ATG10: variants seen among roughly 807,000 people sequenced by gnomAD.
ATG10 encodes autophagy related 10, also known as ubiquitin-like-conjugating enzyme ATG10.
ATG10 carries 30 observed loss-of-function variants against 32.1 expected under a neutral mutation model. The observed-to-expected ratio is 0.94, with a 90% CI of 0.70 to 1.27. The LOEUF is 1.27. ATG10 is among the 50% of genes most tolerant of loss of function. ATG10 has a pLI of 0.00. For missense variants in ATG10, 233 were observed against 262.3 expected, an observed-to-expected ratio of 0.89 and a Z score of 0.77; for synonymous variants, 87 against 91.5, an observed-to-expected ratio of 0.95 and a Z score of 0.28.
chr5:82,235,860 A>C lies in ATG10; in HGVS notation c.454-16702A>C, dbSNP rs6877467. On this transcript the variant is annotated intron_variant, in intron 5 of 7. Coordinates refer to ENST00000282185, the MANE Select transcript of ATG10 (RefSeq NM_031482.5). ...TCTCTATGACGCTATATAAAATCTC[A>C]TCAATATACAAAATCATTCTGAGCC... Among the ~76,000 whole-genome samples the C allele has an allele frequency of 1.7e-3, 265 of 152,378 alleles. 3 individuals are homozygous for C. The highest frequency in any genetic ancestry group is 6.1e-3 in the African/African-American group (255 of 41,596).
intron 1 of ATG10, among the ~76,000 whole-genome samples, chr5:81,979,459 C>T (rs1175702918): frequency 1.3e-5 from 2 of 151,972 alleles, no homozygotes; most frequent in Non-Finnish European, 2.9e-5. Flanking sequence ...ACTCGGGAGG[C>T]GGAGCTTGCA....
At chr5:82,036,349 T>G (rs1480611131) in intron 2 of ATG10, among the ~76,000 whole-genome samples, 2 of 152,208 alleles carry the variant, frequency 1.3e-5, no homozygotes, top group East Asian at 3.8e-4. Context: ...ATCCTAGAAC[T>G]TTGGGAGGCT....
intron 3 of ATG10, among the ~76,000 whole-genome samples, chr5:82,107,847 A>T (rs1765489299): frequency 6.6e-6 from 1 of 152,102 alleles, no homozygotes; most frequent in African/African-American, 2.4e-5. Flanking sequence ...AATTCTTAAT[A>T]AAAAACAAAT....
intron 3 of ATG10, among the ~76,000 whole-genome samples, chr5:82,069,724 G>A (rs1764060899): frequency 6.6e-6 from 1 of 152,032 alleles, no homozygotes; most frequent in Non-Finnish European, 1.5e-5. Context: ...TAAATATTTT[G>A]TCATTATCAG....
At chr5:82,162,933 G>A (rs1379416557) in intron 3 of ATG10, among the ~76,000 whole-genome samples, 8 of 151,970 alleles carry the variant, frequency 5.3e-5, no homozygotes, top group Non-Finnish European at 5.9e-5. Flanking sequence ...GCCTGTTAAC[G>A]ATGGTTACAA....
chr5:82,024,618 A>T (rs1205938878), intron 2 of ATG10, among the ~76,000 whole-genome samples: 2 of 152,216 alleles, frequency 1.3e-5, no homozygotes, highest in Admixed American at 6.5e-5. Flanking sequence ...GGTCTAGGAT[A>T]AGATTTTCAA....
At chr5:82,182,926 T>C (rs1036909376) in intron 5 of ATG10, among the ~76,000 whole-genome samples, 9 of 151,996 alleles carry the variant, frequency 5.9e-5, no homozygotes, top group Non-Finnish European at 1.2e-4. Context: ...ATGTTTAAAG[T>C]AGAGATGGGG....
chr5:82,191,908 C>T (rs1383956047), intron 5 of ATG10, among the ~76,000 whole-genome samples: 1 of 152,158 alleles, frequency 6.6e-6, no homozygotes, highest in Admixed American at 6.5e-5. Context: ...CCAATCTGCC[C>T]TTCTTCTCTC....
chr5:82,092,088 C>T (rs193256872), intron 3 of ATG10, among the ~76,000 whole-genome samples: 2 of 152,018 alleles, frequency 1.3e-5, no homozygotes, highest in African/African-American at 4.8e-5. Context: ...AGTTTAATAG[C>T]TTTTGTATTT....
At chr5:82,189,049 A>C (rs996488936) in intron 5 of ATG10, among the ~76,000 whole-genome samples, 2 of 152,120 alleles carry the variant, frequency 1.3e-5, no homozygotes, top group African/African-American at 4.8e-5. Context: ...TGCCAGTTAC[A>C]TTTTTTTGTA....
intron 3 of ATG10, among the ~76,000 whole-genome samples, chr5:82,091,379 CT>C (rs535670575): frequency 6.6e-6 from 1 of 151,700 alleles, no homozygotes; most frequent in Non-Finnish European, 1.5e-5. Flanking sequence ...TTATTTCTGC[CT>C]TTTTTTTAGC....
intron 2 of ATG10, among the ~76,000 whole-genome samples, chr5:82,032,794 T>A (rs1762780285): frequency 6.6e-6 from 1 of 151,552 alleles, no homozygotes; most frequent in African/African-American, 2.4e-5. Flanking sequence ...TGGCTAATAC[T>A]TATTTAGTGA....
At chr5:82,021,331 C>T (rs1182296587) in intron 2 of ATG10, among the ~76,000 whole-genome samples, 2 of 152,010 alleles carry the variant, frequency 1.3e-5, no homozygotes, top group Non-Finnish European at 2.9e-5. Flanking sequence ...TATAGTCATC[C>T]CTCAGTATCC....
chr5:82,107,862 A>T (rs1765490023), intron 3 of ATG10, among the ~76,000 whole-genome samples: 1 of 152,080 alleles, frequency 6.6e-6, no homozygotes, highest in Admixed American at 6.6e-5. Flanking sequence ...ACAAATAGGG[A>T]TATTATGGAG....
At chr5:82,057,032 T>C (rs114678097) in intron 2 of ATG10, among the ~76,000 whole-genome samples, 1 of 152,124 alleles carries the variant, frequency 6.6e-6, no homozygotes, top group East Asian at 1.9e-4. Context: ...AATGAAATAA[T>C]TAAAAATGAC....
intron 5 of ATG10, among the ~76,000 whole-genome samples, chr5:82,221,148 C>T (rs1745910653): frequency 6.6e-6 from 1 of 152,130 alleles, no homozygotes; most frequent in Non-Finnish European, 1.5e-5. Context: ...ACACCTTTCC[C>T]GCCTGGCCTA....
intron 3 of ATG10, among the ~76,000 whole-genome samples, chr5:82,159,604 A>G (rs1490155158): frequency 6.6e-6 from 1 of 152,150 alleles, no homozygotes; most frequent in Admixed American, 6.6e-5. Context: ...TAGATAGAAC[A>G]GTATAATGAA....
chr5:82,178,824 A>C (rs1164921318), intron 5 of ATG10, among the ~76,000 whole-genome samples: 2 of 152,152 alleles, frequency 1.3e-5, no homozygotes, highest in Admixed American at 6.6e-5. Context: ...TGCTTATTCC[A>C]ATTTTAAATT....
chr5:82,128,033 A>ATG (rs1766351589), intron 3 of ATG10, among the ~76,000 whole-genome samples: 10 of 152,014 alleles, frequency 6.6e-5, no homozygotes, highest in African/African-American at 2.2e-4. Flanking sequence ...TTACCATTAC[A>ATG]TAATGCCCTT....
Sources: allele counts gnomAD v4.1 joint callset (sites outside exome capture counted in the v4.1 genomes callset), GRCh38; gene constraint gnomAD v4.1.1; transcripts MANE v1.5; gene names NCBI Gene and HGNC (gene_info 2026-07-23, HGNC 2026-07-21).